The following STT3B variants were observed in gnomAD, a reference collection of about 807,000 sequenced individuals.
STT3B encodes the protein dolichyl-diphosphooligosaccharide--protein glycosyltransferase subunit STT3B.
A neutral mutation model predicts 96.8 loss-of-function variants in STT3B; 29 were observed. The observed-to-expected ratio is 0.30, with a 90% CI of 0.22 to 0.41. The LOEUF (loss-of-function observed/expected upper bound fraction) is 0.41. STT3B is among the 10% of genes least tolerant of loss of function. The probability of loss-of-function intolerance (pLI) is 1.00; values close to 1 mark genes in which losing one functional copy is unlikely to be tolerated. For synonymous variants in STT3B, 367 were observed against 360.0 expected, an observed-to-expected ratio of 1.02 and a Z score of -0.22; for missense variants, 640 against 1,022.3, an observed-to-expected ratio of 0.63 and a Z score of 5.10.
rs897859178 is a variant in STT3B at position 31,623,578 on chromosome 3, TGATA to T, written c.1540-91_1540-88del. The T allele has an allele frequency of 4.5e-6, 4 of 880,000 alleles. No individual in the cohort carries two copies. The Admixed American group carries it at 1.1e-4, about 24-fold the overall frequency. 54.5% of individuals were successfully genotyped at this position (880,000 alleles called of 1,614,324 possible). On this transcript the variant is annotated intron_variant, in intron 10 of 15. Transcript: ENST00000295770. ...CATTTTCTGAGTCATAGAATTAAATTGATAGATAAACAGTCTCTCAACTTTTTCC... is the reference window on the plus strand; with the variant it reads ...CATTTTCTGAGTCATAGAATTAAATTGATAAACAGTCTCTCAACTTTTTCC...
At chr3:31,537,723 G>A (rs1367521345) in intron 1 of STT3B, among the ~76,000 whole-genome samples, 4 of 152,092 alleles carry the variant, frequency 2.6e-5, no homozygotes, top group African/African-American at 7.2e-5. Flanking sequence ...AACATTAGAA[G>A]CTCAATATAA....
intron 1 of STT3B, among the ~76,000 whole-genome samples, chr3:31,545,843 G>T (rs1697398682): frequency 7.0e-6 from 1 of 143,278 alleles, no homozygotes; most frequent in Admixed American, 7.0e-5. Flanking sequence ...AAGCTCATCA[G>T]CTATCGTTAG....
At chr3:31,587,120 T>C (rs1257611168) in intron 3 of STT3B, among the ~76,000 whole-genome samples, 1 of 152,138 alleles carries the variant, frequency 6.6e-6, no homozygotes, top group Non-Finnish European at 1.5e-5. Context: ...TTACGTACTT[T>C]AGCTGTACCC....
At chr3:31,551,017 A>G (rs762148107) in intron 1 of STT3B, among the ~76,000 whole-genome samples, 15 of 152,178 alleles carry the variant, frequency 9.9e-5, no homozygotes, top group African/African-American at 1.9e-4. Context: ...ACTTAGTCCT[A>G]TAAGAAAGAT....
At chr3:31,540,410 G>T (rs550164388) in intron 1 of STT3B, among the ~76,000 whole-genome samples, 100 of 152,250 alleles carry the variant, frequency 6.6e-4, no homozygotes, top group African/African-American at 2.3e-3. Context: ...AAGTGTTAAA[G>T]TATTAATGAT....
intron 4 of STT3B, among the ~76,000 whole-genome samples, chr3:31,597,108 T>C (rs1204861505): frequency 6.6e-6 from 1 of 152,190 alleles, no homozygotes; most frequent in Non-Finnish European, 1.5e-5. Flanking sequence ...CACTTCAAAA[T>C]ACTTAAATGT....
chr3:31,536,471 T>C (rs1315111349), intron 1 of STT3B, among the ~76,000 whole-genome samples: 1 of 152,248 alleles, frequency 6.6e-6, no homozygotes, highest in East Asian at 1.9e-4. Flanking sequence ...TGGTTTCATT[T>C]CTGCAAGTCG....
intron 1 of STT3B, among the ~76,000 whole-genome samples, chr3:31,559,084 T>G (rs574790841): frequency 6.8e-6 from 1 of 148,136 alleles, no homozygotes; most frequent in African/African-American, 2.5e-5. Flanking sequence ...CCTTATTGGT[T>G]TTTTTTTTTT....
chr3:31,541,605 TTCTC>T (rs1296867122), intron 1 of STT3B, among the ~76,000 whole-genome samples: 2 of 151,920 alleles, frequency 1.3e-5, no homozygotes, highest in African/African-American at 4.8e-5. Context: ...TAGATGGAGT[TTCTC>T]TCTGTTGCCC....
At chr3:31,584,193 G>A (rs1353696455) in intron 3 of STT3B, among the ~76,000 whole-genome samples, 2 of 152,058 alleles carry the variant, frequency 1.3e-5, no homozygotes, top group African/African-American at 4.8e-5. Flanking sequence ...TTGTTGAATG[G>A]TTTTAGCACT....
intron 5 of STT3B, among the ~76,000 whole-genome samples, chr3:31,611,149 G>A (rs777259842): frequency 6.6e-6 from 1 of 152,122 alleles, no homozygotes; most frequent in Non-Finnish European, 1.5e-5. Context: ...TCTTGTTGAG[G>A]TCTTCTGAAA....
intron 3 of STT3B, among the ~76,000 whole-genome samples, chr3:31,592,815 G>C (rs571483330): frequency 6.6e-6 from 1 of 152,144 alleles, no homozygotes. Flanking sequence ...GAATGTCATA[G>C]TCTTTAGTAT....
intron 9 of STT3B, among the ~76,000 whole-genome samples, chr3:31,620,519 C>T (rs774782255): frequency 2.0e-5 from 3 of 151,916 alleles, no homozygotes; most frequent in Non-Finnish European, 4.4e-5. Flanking sequence ...CATTTTATAG[C>T]GGAATAAGGA....
intron 3 of STT3B, among the ~76,000 whole-genome samples, chr3:31,580,766 G>A (rs887028043): frequency 4.6e-5 from 7 of 152,046 alleles, no homozygotes; most frequent in Admixed American, 1.3e-4. Flanking sequence ...TTCTGGAGGA[G>A]AAGGTTGCAA....
intron 10 of STT3B, 146 bp downstream of exon 10, chr3:31,622,454 T>G: frequency 1.5e-6 from 1 of 670,100 alleles, no homozygotes; most frequent in Non-Finnish European, 2.5e-6. Flanking sequence ...ACTGTTTGCC[T>G]CAAAATATGA....
At chr3:31,624,670 CTT>C (rs35298613) in intron 11 of STT3B, among the ~76,000 whole-genome samples, 124 of 131,534 alleles carry the variant, frequency 9.4e-4, no homozygotes, top group East Asian at 1.3e-3. Flanking sequence ...TCAGAATCGG[CTT>C]TTTTTTTTTT....
chr3:31,620,292 GA>G (rs1198742545), intron 9 of STT3B: 1 of 143,320 alleles, frequency 7.0e-6, no homozygotes, highest in African/African-American at 2.5e-5. Flanking sequence ...AAAAAAAAAA[GA>G]AAAAAATTCA....
intron 1 of STT3B, among the ~76,000 whole-genome samples, chr3:31,541,911 C>T (rs142641625): frequency 1.3e-3 from 200 of 152,272 alleles, no homozygotes; most frequent in African/African-American, 4.5e-3. Context: ...GTGTCTTATT[C>T]ACCTGACGGG....
chr3:31,634,294 T>C lies in STT3B; in HGVS notation c.2400+1147T>C, dbSNP rs371868217. 3.3e-5 allele frequency among the ~76,000 whole-genome samples: 5 copies of C among 152,190 alleles called. No individual in the cohort carries two copies. In the East Asian group the frequency reaches 7.7e-4, roughly 23 times the overall value. Reference sequence around the variant, plus strand: ...TCTCAAAGCAGTTACTCCTAAGATATCCAAGTATAACTAAGGTGTACTTTT... The same window carrying C: ...TCTCAAAGCAGTTACTCCTAAGATACCCAAGTATAACTAAGGTGTACTTTT... On this transcript the variant is annotated intron_variant, in intron 15 of 15. Transcript: ENST00000295770.
Sources: allele counts gnomAD v4.1 joint callset (sites outside exome capture counted in the v4.1 genomes callset), GRCh38; gene constraint gnomAD v4.1.1; transcripts MANE v1.5; gene names NCBI Gene and HGNC (gene_info 2026-07-23, HGNC 2026-07-21).